SP7: variants seen among roughly 807,000 people sequenced by gnomAD.
The protein encoded by SP7 is transcription factor Sp7.
SP7 carries 13 observed loss-of-function variants against 27.9 expected under a neutral mutation model. The ratio of observed to expected loss-of-function variants is 0.47; its 90% confidence interval spans 0.30 to 0.74. SP7 has a LOEUF of 0.74. Among genes scored for constraint, SP7 ranks in the 30% least tolerant of loss-of-function variants. The pLI, the probability that SP7 is intolerant of heterozygous loss-of-function variation, is 0.06. For missense variants in SP7, 525 were observed against 558.0 expected (o/e 0.94, Z 0.60); for synonymous variants, 219 against 226.7 (o/e 0.97, Z 0.31).
chr12:53,343,889 A>G (rs1162557023), intron 1 of SP7, among the ~76,000 whole-genome samples: 2 of 152,134 alleles, frequency 1.3e-5, no homozygotes, highest in East Asian at 3.9e-4. Flanking sequence ...TACTAAAAAT[A>G]CAAAAATTGG....
At chr12:53,339,478 C>T (rs189414364), upstream of SP7, among the ~76,000 whole-genome samples, 4 of 149,902 alleles carry the variant, frequency 2.7e-5, no homozygotes, top group African/African-American at 7.4e-5. Flanking sequence ...GTAATCCCAG[C>T]GCTTTGGGAG....
intron 1 of SP7, among the ~76,000 whole-genome samples, chr12:53,342,288 C>T (rs1592539060): frequency 6.6e-6 from 1 of 151,998 alleles, no homozygotes; most frequent in African/African-American, 2.4e-5. Context: ...TAAATACACA[C>T]GTCTCCCCGC....
chr12:53,340,575 G>A (rs1259373513), upstream of SP7, among the ~76,000 whole-genome samples: 4 of 152,128 alleles, frequency 2.6e-5, no homozygotes, highest in African/African-American at 7.2e-5. Context: ...CTGCTCTGCG[G>A]CCCCGCTGAC....
intron 2 of SP7, among the ~76,000 whole-genome samples, chr12:53,333,245 A>G (rs534235361): frequency 6.6e-6 from 1 of 152,276 alleles, no homozygotes; most frequent in Admixed American, 6.5e-5. Flanking sequence ...AGTTCTAAAC[A>G]TGTGTCCCCA....
At chr12:53,335,887 G>T in intron 1 of SP7, 194 bp from the exon 2 acceptor site, 1 of 1,279,616 alleles carries the variant, frequency 7.8e-7, no homozygotes, top group Non-Finnish European at 1.0e-6. Flanking sequence ...AGAGAGGGAG[G>T]CAGAGGGTCC....
chr12:53,337,716 G>A (rs564003990), upstream of SP7, among the ~76,000 whole-genome samples: 11 of 152,198 alleles, frequency 7.2e-5, no homozygotes, highest in South Asian at 4.1e-4. Flanking sequence ...CAGCAGTTTC[G>A]CCAGCAGGTA....
Position 53,327,932 on chromosome 12 carries a change from G to T in SP7, c.*214C>A. On this transcript the variant is annotated 3_prime_UTR_variant, in exon 3 of 3. Coordinates refer to ENST00000536324, the MANE Select transcript of SP7 (RefSeq NM_001173467.3). ...CACAAGGGGAGGGCCTGAGATGAGAGTTTGTGGAAAGCCAGTCTCATGGTG... is the reference window on the plus strand; with the variant it reads ...CACAAGGGGAGGGCCTGAGATGAGATTTTGTGGAAAGCCAGTCTCATGGTG... 7 of 551,162 alleles carry T rather than the reference G, an allele frequency of 1.3e-5. No homozygotes were observed. The South Asian group carries it at 1.6e-4, about 12-fold the overall frequency. The allele number at this position is 551,162 out of a possible 1,614,324, so 34.1% of individuals were successfully genotyped here.
chr12:53,332,060 G>A (rs1944711858), intron 2 of SP7, among the ~76,000 whole-genome samples: 2 of 152,118 alleles, frequency 1.3e-5, no homozygotes, highest in South Asian at 2.1e-4. Context: ...GAACACTCAC[G>A]GTTCCCCCAG....
In SP7 at chr12:53,328,515, C is replaced by T. The variant is rs151045559; in HGVS notation, c.927G>A (p.Ser309=). 3.0e-4 allele frequency: 492 copies of T among 1,613,912 alleles called. 4 individuals are homozygous for T. The East Asian group carries it at 9.6e-3, about 32-fold the overall frequency. The change falls in exon 3 of 3, where the codon TCG becomes TCA. Residue 309 remains serine, a synonymous_variant. Transcript: ENST00000536324. The surrounding 1 kb of genome is among the most constrained non-coding windows in gnomAD (Gnocchi z 5.1). ...GCCAGCGCAAGTGGGCCTTCAGGTGCGAAGCCTTGCCATACACCTTGCCGC... is the reference window on the plus strand; with the variant it reads ...GCCAGCGCAAGTGGGCCTTCAGGTGTGAAGCCTTGCCATACACCTTGCCGC... The part of the protein sequence containing the change: ...PGCGKVYGKA[S]HLKAHLRWHT...
intron 2 of SP7, among the ~76,000 whole-genome samples, chr12:53,330,763 C>T (rs1320875879): frequency 6.6e-6 from 1 of 152,232 alleles, no homozygotes; most frequent in Non-Finnish European, 1.5e-5. Context: ...CCTGTCGCTG[C>T]TTCAGCTCCT....
Position 53,326,747 on chromosome 12 carries a change from C to G in SP7, c.*1399G>C, listed in dbSNP as rs550900909. ...AGGATCCAACGTTACAGGAAAGGCA[C>G]GAAGCGGCTTTAAAAGTCACTGGAG... On this transcript the variant is annotated 3_prime_UTR_variant, in exon 3 of 3. Coordinates refer to ENST00000536324, the MANE Select transcript of SP7 (RefSeq NM_001173467.3). The G allele has an allele frequency of 1.3e-5, 2 of 152,702 alleles. No homozygotes were observed. Among genetic ancestry groups the G allele is most frequent in the East Asian group, 1.9e-4 (1 of 5,182 alleles). The allele number at this position is 152,702 out of a possible 1,614,324, so 9.5% of individuals were successfully genotyped here. A position where few individuals can be genotyped will look rare whatever the true frequency, so the allele number is the denominator to read the frequency against.
Position 53,329,311 on chromosome 12 carries a change from G to A in SP7, c.131C>T (p.Thr44Ile). The A allele has an allele frequency of 6.2e-7, 1 of 1,613,932 alleles. No homozygotes were observed. ...RDSTTLGKAGTKKPYSVGSDL... is the reference protein window; with the variant it reads ...RDSTTLGKAGIKKPYSVGSDL... ...ACTGCCCACAGAGTACGGCTTCTTT[G>A]TGCCTGCTTTGCCCAGAGTTGTTGA... Residue 44 changes from threonine (T) to isoleucine (I), a missense_variant, in exon 3 of 3, where the codon ACA (threonine) becomes ATA (isoleucine). Thr to Ile is a moderately conservative substitution (Grantham distance 89, BLOSUM62 -1). Transcript: ENST00000536324.
At chr12:53,338,290 G>A (rs559022099), upstream of SP7, among the ~76,000 whole-genome samples, 6 of 152,184 alleles carry the variant, frequency 3.9e-5, no homozygotes, top group Non-Finnish European at 8.8e-5. Context: ...CCCTTGTTGG[G>A]GGGGAGTCTG....
Position 53,329,158 on chromosome 12 carries a change from A to G in SP7, c.284T>C (p.Phe95Ser). The change falls in exon 3 of 3, where the codon TTT (phenylalanine) becomes TCT (serine). Residue 95 changes from phenylalanine (F) to serine (S), a missense_variant. Physicochemically the swap from Phe to Ser is radical, Grantham distance 155 (BLOSUM62 -2). Transcript: ENST00000536324. Reference sequence around the variant, plus strand: ...TGTGGGCCCAGGGAATGAGTGGGAAAAGGGAGGGTAATCATTAGCATAGCC... The same window carrying G: ...TGTGGGCCCAGGGAATGAGTGGGAAGAGGGAGGGTAATCATTAGCATAGCC... The part of the protein sequence containing the change: ...TSGYANDYPP[F>S]SHSFPGPTGT... 1 of 1,613,818 alleles carries G rather than the reference A, an allele frequency of 6.2e-7. No homozygotes were observed. The highest frequency in any genetic ancestry group is 8.5e-7 in the Non-Finnish European group (1 of 1,179,846).
chr12:53,336,026 T>G, intron 1 of SP7, 120 bp downstream of exon 1: 1 of 243,984 alleles, frequency 4.1e-6, no homozygotes, highest in Non-Finnish European at 8.0e-6. Context: ...TGTCAGGGCT[T>G]CCTCGGGGGG....
intron 2 of SP7, among the ~76,000 whole-genome samples, chr12:53,333,201 C>T (rs1437673632): frequency 6.6e-6 from 1 of 152,178 alleles, no homozygotes; most frequent in African/African-American, 2.4e-5. Flanking sequence ...TGATTGTTCT[C>T]TCCTGAGAAC....
intron 1 of SP7, among the ~76,000 whole-genome samples, chr12:53,342,449 A>T (rs1944832153): frequency 6.6e-6 from 1 of 152,238 alleles, no homozygotes; most frequent in Non-Finnish European, 1.5e-5. Flanking sequence ...ATAACAAGCA[A>T]GACAGACTCA....
chr12:53,327,962 G>A lies in SP7; in HGVS notation c.*184C>T. ...TGGAAAGCCAGTCTCATGGTGAAGA[G>A]AGAAGGTGAGCTGAGGAGGCATGCA... is the stretch of plus-strand genomic sequence containing the variant. On this transcript the variant is annotated 3_prime_UTR_variant, in exon 3 of 3. Transcript: ENST00000536324. 1 of 595,912 alleles carries A rather than the reference G, an allele frequency of 1.7e-6. No individual in the cohort carries two copies. The highest frequency in any genetic ancestry group is 2.3e-5 in the South Asian group (1 of 43,880). The allele number at this position is 595,912 out of a possible 1,614,324, so 36.9% of individuals were successfully genotyped here. A position where few individuals can be genotyped will look rare whatever the true frequency, so the allele number is the denominator to read the frequency against.
intron 2 of SP7, among the ~76,000 whole-genome samples, 187 bp from the exon 3 acceptor site, chr12:53,329,607 T>C (rs1233818709): frequency 1.3e-5 from 2 of 152,134 alleles, no homozygotes; most frequent in African/African-American, 4.8e-5. Flanking sequence ...GGCAGACTCA[T>C]GGAGTCGTGG....
Sources: gnomAD v4.1 joint callset for allele counts (sites outside exome capture counted in the v4.1 genomes callset) on GRCh38, gnomAD v4.1.1 for gene constraint, Gnocchi (gnomAD v3.1) non-coding constraint, MANE v1.5 for transcripts, NCBI Gene and HGNC (gene_info 2026-07-23, HGNC 2026-07-21) for gene names.